GRIP1: variants seen among roughly 807,000 people sequenced by gnomAD.
GRIP1 encodes glutamate receptor-interacting protein 1.
A neutral mutation model predicts 129.9 loss-of-function variants in GRIP1; 45 were observed. The ratio of observed to expected loss-of-function variants is 0.35; its 90% CI spans 0.27 to 0.44. The LOEUF (loss-of-function observed/expected upper bound fraction) is 0.44. GRIP1 is among the 20% of genes least tolerant of loss of function. GRIP1 has a pLI of 1.00. For missense variants in GRIP1, 1,196 were observed against 1,396.8 expected, an observed-to-expected ratio of 0.86 and a Z score of 2.29; for synonymous variants, 530 against 520.8, an observed-to-expected ratio of 1.02 and a Z score of -0.24.
intron 1 of GRIP1, among the ~76,000 whole-genome samples, chr12:66,706,151 A>G (rs2035520841): frequency 6.6e-6 from 1 of 152,192 alleles, no homozygotes; most frequent in South Asian, 2.1e-4. Flanking sequence ...CTTGCAATCT[A>G]CCCATCTGAC....
intron 1 of GRIP1, among the ~76,000 whole-genome samples, chr12:66,722,624 A>G (rs2136451949): frequency 6.6e-6 from 1 of 152,338 alleles, no homozygotes; most frequent in Non-Finnish European, 1.5e-5. Flanking sequence ...TCAACCATCA[A>G]TTAATAAAAA....
intron 11 of GRIP1, among the ~76,000 whole-genome samples, chr12:66,448,774 C>T (rs1194643806): frequency 6.6e-6 from 1 of 152,182 alleles, no homozygotes; most frequent in African/African-American, 2.4e-5. Context: ...TAACTAGTGA[C>T]CCTGCCTCTT....
chr12:66,963,173 G>C (rs953434774), intron 1 of GRIP1, among the ~76,000 whole-genome samples: 1 of 152,038 alleles, frequency 6.6e-6, no homozygotes, highest in South Asian at 2.1e-4. Flanking sequence ...ACATTAGCCA[G>C]GTGTGGTGGC....
chr12:66,998,860 G>T (rs2042508574), intron 1 of GRIP1, among the ~76,000 whole-genome samples: 1 of 151,994 alleles, frequency 6.6e-6, no homozygotes, highest in Non-Finnish European at 1.5e-5. Context: ...ACTGAATTGT[G>T]CCCACTAGCA....
At chr12:66,814,839 G>GAAGCAGGC (rs2039176759) in intron 1 of GRIP1, among the ~76,000 whole-genome samples, 1 of 88,234 alleles carries the variant, frequency 1.1e-5, no homozygotes, top group Non-Finnish European at 2.5e-5. Flanking sequence ...AAGGCAAAGG[G>GAAGCAGGC]ACCTTCTTCA....
chr12:67,030,909 A>AT (rs1224769831), intron 1 of GRIP1, among the ~76,000 whole-genome samples: 3 of 151,984 alleles, frequency 2.0e-5, no homozygotes, highest in Admixed American at 2.0e-4. Flanking sequence ...TCTTCCTGTC[A>AT]TTTTTTTCAA....
chr12:66,573,624 G>A (rs7969032), intron 2 of GRIP1, among the ~76,000 whole-genome samples: 2 of 152,130 alleles, frequency 1.3e-5, no homozygotes, highest in Non-Finnish European at 2.9e-5. Flanking sequence ...CAGAGCCTGC[G>A]TTCCTAACCA....
intron 1 of GRIP1, among the ~76,000 whole-genome samples, chr12:67,055,941 T>C (rs1456423032): frequency 1.3e-5 from 2 of 152,118 alleles, no homozygotes; most frequent in African/African-American, 4.8e-5. Context: ...GGACAATTCG[T>C]ATGAATATTG....
intron 1 of GRIP1, among the ~76,000 whole-genome samples, chr12:66,964,639 T>A (rs2041970145): frequency 6.6e-6 from 1 of 152,110 alleles, no homozygotes; most frequent in Admixed American, 6.6e-5. Flanking sequence ...TTGCTCTCCA[T>A]CATGAGGCTC....
intron 1 of GRIP1, among the ~76,000 whole-genome samples, chr12:66,854,220 G>A (rs1424470767): frequency 6.6e-6 from 1 of 151,982 alleles, no homozygotes; most frequent in African/African-American, 2.4e-5. Context: ...AGGCGAGGGT[G>A]AGGAGGAGAC....
At chr12:66,815,854 T>TTCTTTCTC (rs1555241802) in intron 1 of GRIP1, among the ~76,000 whole-genome samples, 1,617 of 116,726 alleles carry the variant, frequency 0.014, 46 homozygotes, top group African/African-American at 0.042. Flanking sequence ...CTTTCTTTCT[T>TTCTTTCTC]TCTCTCTCTC....
intron 1 of GRIP1, among the ~76,000 whole-genome samples, chr12:66,627,874 T>C (rs1274605064): frequency 6.6e-6 from 1 of 152,100 alleles, no homozygotes; most frequent in Non-Finnish European, 1.5e-5. Flanking sequence ...GAAGCCTGCC[T>C]GCCTGGGAAT....
At chr12:66,874,107 G>A (rs1050743545) in intron 1 of GRIP1, among the ~76,000 whole-genome samples, 1 of 152,046 alleles carries the variant, frequency 6.6e-6, no homozygotes, top group Non-Finnish European at 1.5e-5. Flanking sequence ...TATTCTTTTG[G>A]CAAATTTAAA....
In GRIP1 at chr12:66,455,373, TC is replaced by T. The variant is rs1315751917; in HGVS notation, c.1354+35del. ...AAGGCTCCATTGCCCACAGGTTTTTTCCAGGCCAAATGCCATTGGCTGTCAT... is the reference window on the plus strand; with the variant it reads ...AAGGCTCCATTGCCCACAGGTTTTTTCAGGCCAAATGCCATTGGCTGTCAT... On this transcript the variant is annotated intron_variant, in intron 11 of 24. Coordinates refer to ENST00000359742, the MANE Select transcript of GRIP1 (RefSeq NM_001366722.1). 5 of 1,608,668 alleles carry T rather than the reference TC, an allele frequency of 3.1e-6. No homozygotes were observed. The Admixed American group carries it at 8.3e-5, about 27-fold the overall frequency.
At chr12:66,787,140 C>G (rs914496179) in intron 1 of GRIP1, among the ~76,000 whole-genome samples, 2 of 152,130 alleles carry the variant, frequency 1.3e-5, no homozygotes, top group Non-Finnish European at 2.9e-5. Flanking sequence ...TATCTGTGCA[C>G]ACACATCTGT....
intron 1 of GRIP1, among the ~76,000 whole-genome samples, chr12:66,665,287 C>T (rs758371922): frequency 8.5e-5 from 13 of 152,152 alleles, no homozygotes; most frequent in African/African-American, 1.9e-4. Flanking sequence ...AGGTTACAGG[C>T]GTGAGCTAAC....
At position 66,677,875 on chromosome 12, in the gene GRIP1, T is replaced by C. The variant is rs1318774902; in HGVS notation, c.55+975A>G. Among the ~76,000 whole-genome samples the C allele has an allele frequency of 4.6e-5, 7 of 152,336 alleles. No homozygotes were observed. In the East Asian group the frequency reaches 1.3e-3, roughly 29 times the overall value. On this transcript the variant is annotated intron_variant, in intron 1 of 24. Transcript: ENST00000359742. Reference sequence around the variant, plus strand: ...CAGAAATAGCATCCATTAACATATTTATAGGTTCAGAGCTTCTAGAACATA... The same window carrying C: ...CAGAAATAGCATCCATTAACATATTCATAGGTTCAGAGCTTCTAGAACATA...
chr12:66,793,898 G>A (rs1341870897), intron 1 of GRIP1, among the ~76,000 whole-genome samples: 1 of 152,182 alleles, frequency 6.6e-6, no homozygotes, highest in Non-Finnish European at 1.5e-5. Flanking sequence ...AATAGTATTA[G>A]TCTCATGGAG....
intron 5 of GRIP1, among the ~76,000 whole-genome samples, chr12:66,522,694 G>A (rs1349775389): frequency 1.3e-5 from 2 of 151,890 alleles, no homozygotes; most frequent in Non-Finnish European, 3.0e-5. Context: ...AGAATGACAA[G>A]TTGAGAGAAG....
Sources: gnomAD v4.1 joint callset for allele counts (sites outside exome capture counted in the v4.1 genomes callset) on GRCh38, gnomAD v4.1.1 for gene constraint, MANE v1.5 for transcripts, NCBI Gene and HGNC (gene_info 2026-07-23, HGNC 2026-07-21) for gene names.